The following COL22A1 variants were observed in gnomAD, a reference collection of about 807,000 sequenced individuals.
The protein encoded by COL22A1 is collagen type XXII alpha 1 chain.
In COL22A1, 221 loss-of-function variants were observed where a neutral mutation model predicts 248.9. The observed-to-expected ratio is 0.89, with a 90% CI of 0.80 to 0.99. The LOEUF is 0.99. Among genes scored for constraint, COL22A1 ranks in the 50% least tolerant of loss-of-function variants. The pLI is 0.00. For synonymous variants in COL22A1, 891 were observed against 793.4 expected, an observed-to-expected ratio of 1.12 and a Z score of -2.07; for missense variants, 2,240 against 2,179.0, an observed-to-expected ratio of 1.03 and a Z score of -0.56.
intron 48 of COL22A1, among the ~76,000 whole-genome samples, chr8:138,635,867 C>T (rs1821108853): frequency 6.6e-6 from 1 of 152,180 alleles, no homozygotes; most frequent in Non-Finnish European, 1.5e-5. Flanking sequence ...AGACTTTGAG[C>T]ACTGCTCTCA....
intron 36 of COL22A1, 147 bp downstream of exon 36, chr8:138,690,674 A>C (rs772716856): frequency 3.5e-6 from 2 of 575,090 alleles, no homozygotes; most frequent in Non-Finnish European, 5.8e-6. Flanking sequence ...TGGGTGGTCT[A>C]TGTCAGGACA....
At chr8:138,881,738 C>T (rs2132063127) in intron 2 of COL22A1, among the ~76,000 whole-genome samples, 1 of 152,314 alleles carries the variant, frequency 6.6e-6, no homozygotes, top group East Asian at 1.9e-4. Flanking sequence ...CAGCGTTTTG[C>T]TTCCTGAATC....
chr8:138,775,688 T>C lies in COL22A1; in HGVS notation c.1803+278A>G, dbSNP rs532956076. On this transcript the variant is annotated intron_variant, in intron 16 of 64. Transcript: ENST00000303045. ...CCTGTCTGGTCTGGAAACCCTAAACTCCGCCTTGGTGCAGAGGATGACAAT... is the reference window on the plus strand; with the variant it reads ...CCTGTCTGGTCTGGAAACCCTAAACCCCGCCTTGGTGCAGAGGATGACAAT... 1.2e-4 allele frequency among the ~76,000 whole-genome samples: 19 copies of C among 152,210 alleles called. No homozygotes were observed. In the East Asian group the frequency reaches 3.1e-3, roughly 25 times the overall value.
In COL22A1 at chr8:138,878,060, G is replaced by A; in HGVS notation, c.348C>T (p.Asn116=). 1 of 1,596,864 alleles carries A rather than the reference G, an allele frequency of 6.3e-7. No homozygotes were observed. Among genetic ancestry groups the A allele is most frequent in the Non-Finnish European group, 8.5e-7 (1 of 1,172,440 alleles). The change falls in exon 3 of 65, where the codon AAC becomes AAT. Residue 116 remains asparagine, a synonymous_variant. Transcript: ENST00000303045. ...TGATGTAGCGGAGCGCGTCTCCCGT[G>A]TTGGTGTTGCCCCCGTGGTAGGCGA... ...RRLAYHGGNT[N]TGDALRYITA...
intron 50 of COL22A1, among the ~76,000 whole-genome samples, chr8:138,626,686 C>A (rs1820269676): frequency 6.6e-6 from 1 of 152,206 alleles, no homozygotes; most frequent in Non-Finnish European, 1.5e-5. Flanking sequence ...AAGTGGGGAG[C>A]TGACCGGGGT....
chr8:138,763,603 G>A (rs537451201), intron 16 of COL22A1, among the ~76,000 whole-genome samples: 3 of 152,068 alleles, frequency 2.0e-5, no homozygotes, highest in African/African-American at 7.2e-5. Flanking sequence ...AGAACTCCGT[G>A]GGGCAGACAC....
At chr8:138,594,873 A>C (rs1587624432) in intron 62 of COL22A1, among the ~76,000 whole-genome samples, 1 of 152,256 alleles carries the variant, frequency 6.6e-6, no homozygotes, top group South Asian at 2.1e-4. Context: ...CTCATCTATA[A>C]GCTAAAGGGC....
rs774694947 is a variant in COL22A1, at chr8:138,589,275, GGCCGGGCA to G, written c.4851_4858del (p.Ala1618GlyfsTer2). ...CCTTTAGGGACCCTTCACATTACCCGGCCGGGCAGCAAGGCTGGCGAAGTAGGCACACT... is the reference window on the plus strand; with the variant it reads ...CCTTTAGGGACCCTTCACATTACCCGGCAAGGCTGGCGAAGTAGGCACACT... On this transcript the variant is annotated frameshift_variant, in exon 65 of 65. Coordinates refer to ENST00000303045, the MANE Select transcript of COL22A1 (RefSeq NM_152888.3). LOFTEE classifies it high-confidence loss of function. 2 of 1,613,780 alleles carry G rather than the reference GGCCGGGCA, an allele frequency of 1.2e-6. No individual in the cohort carries two copies. Among genetic ancestry groups the G allele is most frequent in the South Asian group, 1.1e-5 (1 of 91,048 alleles).
chr8:138,658,320 G>A (rs144236519), intron 44 of COL22A1, among the ~76,000 whole-genome samples: 6 of 152,220 alleles, frequency 3.9e-5, no homozygotes, highest in Admixed American at 2.0e-4. Flanking sequence ...CCTGGTAAGA[G>A]TGTCTTTGTT....
rs951347258 is a variant in COL22A1 at position 138,703,923 on chromosome 8, C to T, written c.2518-576G>A. On this transcript the variant is annotated intron_variant, in intron 30 of 64. Transcript: ENST00000303045. Reference sequence around the variant, plus strand: ...TAACTGGAAAATTGGGACACTCCCACCCTAATACTGTGCTTTTCCAACAGT... The same window carrying T: ...TAACTGGAAAATTGGGACACTCCCATCCTAATACTGTGCTTTTCCAACAGT... 2.6e-5 allele frequency among the ~76,000 whole-genome samples: 4 copies of T among 152,204 alleles called. No homozygotes were observed. In the South Asian group the frequency reaches 8.3e-4, roughly 32 times the overall value.
chr8:138,660,132 C>T lies in COL22A1; in HGVS notation c.3285+304G>A, dbSNP rs150410981. ...AGGAAACTGGAGGGTGGGAGACATC[C>T]CTACCTCCTGGCCTTGGGCCAAGCC... On this transcript the variant is annotated intron_variant, in intron 44 of 64. Transcript: ENST00000303045. Among the ~76,000 whole-genome samples, 1,279 of 152,290 alleles carry T rather than the reference C, an allele frequency of 8.4e-3. 18 individuals are homozygous for T. Among genetic ancestry groups the T allele is most frequent in the African/African-American group, 0.029 (1,214 of 41,576 alleles).
chr8:138,866,920 A>G (rs930004876), intron 3 of COL22A1, among the ~76,000 whole-genome samples: 1 of 152,168 alleles, frequency 6.6e-6, no homozygotes, highest in Non-Finnish European at 1.5e-5. Flanking sequence ...ACCCTCTAAG[A>G]GGAGCCACAC....
intron 46 of COL22A1, among the ~76,000 whole-genome samples, chr8:138,648,947 T>C (rs1822447531): frequency 6.6e-6 from 1 of 152,250 alleles, no homozygotes; most frequent in Admixed American, 6.5e-5. Flanking sequence ...TTTCTTCCTG[T>C]CCTTACCATC....
intron 22 of COL22A1, among the ~76,000 whole-genome samples, chr8:138,738,540 CT>C (rs1439561576): frequency 3.9e-5 from 6 of 152,084 alleles, no homozygotes; most frequent in Non-Finnish European, 1.5e-5. Flanking sequence ...CTTTCTAGTT[CT>C]TCCCACCTGA....
At chr8:138,687,558 T>C (rs1826462064) in intron 37 of COL22A1, among the ~76,000 whole-genome samples, 1 of 152,218 alleles carries the variant, frequency 6.6e-6, no homozygotes, top group Non-Finnish European at 1.5e-5. Flanking sequence ...CATGCCCCAA[T>C]ATCGTCTCTT....
chr8:138,842,946 G>T (rs1820994533), intron 4 of COL22A1, among the ~76,000 whole-genome samples: 1 of 152,214 alleles, frequency 6.6e-6, no homozygotes, highest in South Asian at 2.1e-4. Context: ...TTCAGGGAAA[G>T]AAAGCAGCTG....
chr8:138,757,618 A>T (rs536830169), intron 18 of COL22A1, among the ~76,000 whole-genome samples: 7 of 152,240 alleles, frequency 4.6e-5, no homozygotes, highest in Admixed American at 1.3e-4. Flanking sequence ...AACTGTGTGT[A>T]TACAGCTAAC....
intron 18 of COL22A1, among the ~76,000 whole-genome samples, chr8:138,757,433 A>G (rs2131372736): frequency 6.6e-6 from 1 of 151,518 alleles, no homozygotes; most frequent in Non-Finnish European, 1.5e-5. Flanking sequence ...TGTTGGTTTC[A>G]TTGTTGTATT....
chr8:138,741,872 G>T (rs376583687), intron 22 of COL22A1, among the ~76,000 whole-genome samples: 3 of 152,262 alleles, frequency 2.0e-5, no homozygotes, highest in African/African-American at 7.2e-5. Flanking sequence ...TCTTGTGGTG[G>T]CATTGATGAT....
Sources: gnomAD v4.1 joint callset for allele counts (sites outside exome capture counted in the v4.1 genomes callset) on GRCh38, gnomAD v4.1.1 for gene constraint, MANE v1.5 for transcripts, NCBI Gene and HGNC (gene_info 2026-07-23, HGNC 2026-07-21) for gene names.